Variants in GPC5 observed in about 807,000 individuals in gnomAD.
The protein encoded by GPC5 is glypican-5.
In GPC5, 47 loss-of-function variants were observed where a neutral mutation model predicts 53.9. The observed-to-expected ratio is 0.87, with a 90% confidence interval of 0.69 to 1.11. The LOEUF is 1.11. Among genes scored for constraint, GPC5 ranks in the 50% most tolerant of loss-of-function variants. The pLI, the probability that GPC5 is intolerant of heterozygous loss-of-function variation, is 0.00. For synonymous variants in GPC5, 286 were observed against 263.3 expected (o/e 1.09, Z -0.84); for missense variants, 748 against 713.1 (o/e 1.05, Z -0.56).
At chr13:92,770,054 T>A (rs372483133) in intron 7 of GPC5, among the ~76,000 whole-genome samples, 4 of 152,166 alleles carry the variant, frequency 2.6e-5, no homozygotes, top group African/African-American at 9.7e-5. Context: ...TATTTTCCCC[T>A]ATAGTCAGCA....
At chr13:92,301,427 C>A (rs2043074703) in intron 7 of GPC5, among the ~76,000 whole-genome samples, 1 of 152,144 alleles carries the variant, frequency 6.6e-6, no homozygotes, top group Non-Finnish European at 1.5e-5. Context: ...AATACAGTAG[C>A]AAGAAAACTA....
chr13:91,558,097 C>CAGAAT (rs1461673676), intron 2 of GPC5, among the ~76,000 whole-genome samples: 1 of 152,000 alleles, frequency 6.6e-6, no homozygotes, highest in African/African-American at 2.4e-5. Flanking sequence ...GTGGAGCTTA[C>CAGAAT]AGAATAGGAA....
intron 2 of GPC5, among the ~76,000 whole-genome samples, chr13:91,568,793 C>T (rs1321006566): frequency 4.1e-5 from 6 of 146,730 alleles, no homozygotes; most frequent in East Asian, 4.0e-4. Context: ...CTCTCTCTGT[C>T]GCTGGAGTGC....
chr13:91,400,434 T>G (rs1876849694), intron 1 of GPC5, among the ~76,000 whole-genome samples: 2 of 152,222 alleles, frequency 1.3e-5, no homozygotes, highest in Non-Finnish European at 2.9e-5. Flanking sequence ...GTGCTTTTTC[T>G]GTATTACTTG....
chr13:91,868,631 G>T (rs899961914), intron 5 of GPC5, among the ~76,000 whole-genome samples: 1 of 152,104 alleles, frequency 6.6e-6, no homozygotes, highest in African/African-American at 2.4e-5. Flanking sequence ...CCTGAGCCTG[G>T]GAGATTGAAG....
At chr13:91,896,274 C>G (rs2039441417) in intron 5 of GPC5, among the ~76,000 whole-genome samples, 1 of 151,964 alleles carries the variant, frequency 6.6e-6, no homozygotes, top group South Asian at 2.1e-4. Flanking sequence ...CACGTGCCAC[C>G]AAGGCCTGCT....
intron 7 of GPC5, among the ~76,000 whole-genome samples, chr13:92,736,632 G>A (rs1336047016): frequency 6.6e-6 from 1 of 151,822 alleles, no homozygotes; most frequent in African/African-American, 2.4e-5. Flanking sequence ...TTATGGGAGA[G>A]CTCCCTCATG....
At chr13:92,306,158 G>A (rs1054271882) in intron 7 of GPC5, among the ~76,000 whole-genome samples, 4 of 152,080 alleles carry the variant, frequency 2.6e-5, no homozygotes, top group Admixed American at 6.6e-5. Flanking sequence ...TTAAATGAAG[G>A]GTGAATAGAC....
At chr13:92,526,466 G>A (rs1881286377) in intron 7 of GPC5, among the ~76,000 whole-genome samples, 2 of 151,932 alleles carry the variant, frequency 1.3e-5, no homozygotes, top group Non-Finnish European at 1.5e-5. Flanking sequence ...TGTGTAATGG[G>A]GTACATGAGA....
intron 7 of GPC5, among the ~76,000 whole-genome samples, chr13:92,622,245 G>A (rs1299000695): frequency 6.6e-6 from 1 of 152,200 alleles, no homozygotes; most frequent in Non-Finnish European, 1.5e-5. Context: ...TGAAGACCCA[G>A]CTCCTCCTGG....
At chr13:92,156,901 A>T (rs1257027248) in intron 7 of GPC5, among the ~76,000 whole-genome samples, 2 of 152,060 alleles carry the variant, frequency 1.3e-5, no homozygotes, top group Non-Finnish European at 2.9e-5. Context: ...CAGTGTTTTT[A>T]AAATGTATAT....
At chr13:92,532,639 ATC>A (rs1881600914) in intron 7 of GPC5, among the ~76,000 whole-genome samples, 1 of 152,134 alleles carries the variant, frequency 6.6e-6, no homozygotes, top group African/African-American at 2.4e-5. Flanking sequence ...TCATTTTATA[ATC>A]TCTAAATCTG....
chr13:92,415,920 G>A (rs1876269469), intron 7 of GPC5, among the ~76,000 whole-genome samples: 1 of 152,156 alleles, frequency 6.6e-6, no homozygotes, highest in Non-Finnish European at 1.5e-5. Context: ...CATTTTTGTG[G>A]AAGGATGCAG....
chr13:91,441,624 G>A (rs1415254453), intron 1 of GPC5, among the ~76,000 whole-genome samples: 1 of 152,180 alleles, frequency 6.6e-6, no homozygotes, highest in African/African-American at 2.4e-5. Flanking sequence ...CCAGCAGGAG[G>A]CACAGAGGCT....
chr13:92,629,616 A>C (rs1885170715), intron 7 of GPC5, among the ~76,000 whole-genome samples: 1 of 152,238 alleles, frequency 6.6e-6, no homozygotes, highest in South Asian at 2.1e-4. Context: ...AGATAATGCA[A>C]ATAATAAATA....
chr13:92,168,957 A>G (rs2042050481), intron 7 of GPC5, among the ~76,000 whole-genome samples: 1 of 152,238 alleles, frequency 6.6e-6, no homozygotes, highest in South Asian at 2.1e-4. Context: ...AGACCGGATA[A>G]AGAAAATGTG....
rs546847437 is a variant in GPC5, at chr13:91,499,651, T to G, written c.325+50729T>G. On this transcript the variant is annotated intron_variant, in intron 2 of 7. Coordinates refer to ENST00000377067, the MANE Select transcript of GPC5 (RefSeq NM_004466.6). The stretch of plus-strand genomic sequence containing the variant: ...ACGATGGCAATGAAATGTGTTCTTT[T>G]GCATTTTAGCGCTCTCCAGGTGGTT... Among the ~76,000 whole-genome samples, 6 of 152,330 alleles carry G rather than the reference T, an allele frequency of 3.9e-5. No homozygotes were observed. The East Asian group carries it at 1.2e-3, about 29-fold the overall frequency.
intron 7 of GPC5, among the ~76,000 whole-genome samples, chr13:92,751,779 A>G (rs1054213841): frequency 6.6e-6 from 1 of 152,214 alleles, no homozygotes; most frequent in African/African-American, 2.4e-5. Flanking sequence ...TTCAATACTT[A>G]GCGTATGAGG....
At chr13:92,469,682 T>C (rs1035393737) in intron 7 of GPC5, among the ~76,000 whole-genome samples, 1 of 152,134 alleles carries the variant, frequency 6.6e-6, no homozygotes, top group African/African-American at 2.4e-5. Flanking sequence ...AAAATTTGTT[T>C]AATTGAACTT....
Sources: gnomAD v4.1 joint callset for allele counts (sites outside exome capture counted in the v4.1 genomes callset) on GRCh38, gnomAD v4.1.1 for gene constraint, MANE v1.5 for transcripts, NCBI Gene and HGNC (gene_info 2026-07-23, HGNC 2026-07-21) for gene names.